Variants in CPSF4L observed in about 807,000 individuals in gnomAD.
The protein encoded by CPSF4L is putative cleavage and polyadenylation specificity factor subunit 4-like protein.
A neutral mutation model predicts 24.0 loss-of-function variants in CPSF4L; 18 were observed. That is an observed-to-expected ratio of 0.75 (90% CI 0.52 to 1.11). CPSF4L has a LOEUF of 1.11. Ranked by LOEUF, CPSF4L falls within the 50% of genes least tolerant of loss-of-function variation. The pLI, the probability that CPSF4L is intolerant of heterozygous loss-of-function variation, is 0.00. For missense variants in CPSF4L, 211 were observed against 221.8 expected, an observed-to-expected ratio of 0.95 and a Z score of 0.31; for synonymous variants, 72 against 77.2, an observed-to-expected ratio of 0.93 and a Z score of 0.35.
chr17:73,255,742 A>C (rs1186988837), intron 3 of CPSF4L, among the ~76,000 whole-genome samples: 2 of 152,184 alleles, frequency 1.3e-5, no homozygotes, highest in African/African-American at 4.8e-5. Context: ...AATGAATCAA[A>C]GTGACATCAC....
chr17:73,247,198 A>G (rs749751450), downstream of CPSF4L: 3 of 1,571,044 alleles, frequency 1.9e-6, no homozygotes, highest in Non-Finnish European at 1.8e-6. Flanking sequence ...CAGAAACCAT[A>G]TGCCCTGAAA....
chr17:73,259,563 T>C (rs1277156908), intron 2 of CPSF4L, among the ~76,000 whole-genome samples: 1 of 152,044 alleles, frequency 6.6e-6, no homozygotes, highest in Non-Finnish European at 1.5e-5. Context: ...AATAGCTTTC[T>C]TTCTTTGCAG....
chr17:73,250,266 CT>C, intron 5 of CPSF4L: 2 of 1,550,670 alleles, frequency 1.3e-6, no homozygotes, highest in Non-Finnish European at 1.7e-6. Flanking sequence ...TCAGTTGAGT[CT>C]TACTGTACTT....
chr17:73,255,048 CATGA>C (rs1171334715), intron 3 of CPSF4L, among the ~76,000 whole-genome samples: 3 of 152,204 alleles, frequency 2.0e-5, no homozygotes, highest in African/African-American at 7.2e-5. Flanking sequence ...GTTGAGAACT[CATGA>C]ATCTTTCCAA....
At chr17:73,258,568 C>T (rs539239691) in intron 2 of CPSF4L, among the ~76,000 whole-genome samples, 1 of 152,320 alleles carries the variant, frequency 6.6e-6, no homozygotes, top group African/African-American at 2.4e-5. Flanking sequence ...TCCCAAAGTG[C>T]TGGGATTACA....
In CPSF4L at chr17:73,261,809, C is replaced by A. The variant is rs1401773079; in HGVS notation, c.10G>T (p.Val4Phe). Residue 4 changes from valine (V) to phenylalanine (F), a missense_variant, in exon 1 of 6, where the codon GTC (valine) becomes TTC (phenylalanine). Physicochemically the swap from Val to Phe is conservative, Grantham distance 50. Coordinates refer to ENST00000344935, the MANE Select transcript of CPSF4L (RefSeq NM_001129885.1). ...GTGAACCGCTCTAGCCCCGCAATGA[C>A]CTCTTGCATCTTCCGTCTCCTGCTG... MQE[V>F]IAGLERFTFA... is the part of the protein sequence containing the mutation. 6.4e-7 allele frequency: 1 copy of A among 1,551,546 alleles called. No homozygotes were observed. Among genetic ancestry groups the A allele is most frequent in the South Asian group, 1.2e-5 (1 of 84,054 alleles).
downstream of CPSF4L, chr17:73,248,314 G>A: frequency 1.6e-6 from 1 of 614,956 alleles, no homozygotes; most frequent in South Asian, 2.0e-5. Context: ...TGTGAGGCGG[G>A]GTAACTACTC....
At chr17:73,246,868 C>A (rs577229280), downstream of CPSF4L, among the ~76,000 whole-genome samples, 2 of 152,156 alleles carry the variant, frequency 1.3e-5, no homozygotes, top group Non-Finnish European at 2.9e-5. Flanking sequence ...GCCGAAAGAG[C>A]TTTGTGCCCA....
chr17:73,262,071 T>A (rs7217300), upstream of CPSF4L: 1 of 505,216 alleles, frequency 2.0e-6, no homozygotes, highest in Non-Finnish European at 3.6e-6. Flanking sequence ...TACACAAGGC[T>A]CACTCGGATA....
chr17:73,259,764 C>T (rs560044742), intron 2 of CPSF4L, among the ~76,000 whole-genome samples: 1 of 152,320 alleles, frequency 6.6e-6, no homozygotes, highest in African/African-American at 2.4e-5. Flanking sequence ...GAACATGGCC[C>T]CAGGTCCTCC....
intron 2 of CPSF4L, among the ~76,000 whole-genome samples, chr17:73,259,714 T>G (rs1172267240): frequency 6.6e-6 from 1 of 152,214 alleles, no homozygotes; most frequent in Non-Finnish European, 1.5e-5. Context: ...TCTCCCTGTA[T>G]GGTCTAGGGC....
At chr17:73,242,872 C>T in the CPSF4L span, 1 of 1,593,322 alleles carries the variant, frequency 6.3e-7, no homozygotes. Flanking sequence ...GCTGTAACAA[C>T]AAGCCGTGTT....
At chr17:73,250,561 A>G (rs2062001067) in intron 5 of CPSF4L, among the ~76,000 whole-genome samples, 1 of 152,220 alleles carries the variant, frequency 6.6e-6, no homozygotes, top group Non-Finnish European at 1.5e-5. Context: ...TCTCTTGCAG[A>G]ATGGAGACTG....
intron 1 of CPSF4L, among the ~76,000 whole-genome samples, chr17:73,261,207 GC>G (rs1419556655): frequency 6.6e-6 from 1 of 152,192 alleles, no homozygotes; most frequent in Non-Finnish European, 1.5e-5. Context: ...CTCAAGCCTG[GC>G]CCAGGAGCTC....
At chr17:73,261,981 C>A (rs2062048715), upstream of CPSF4L, 1 of 614,080 alleles carries the variant, frequency 1.6e-6, no homozygotes. Context: ...CTGGGCTGTA[C>A]AGGAGCAGGG....
chr17:73,243,074 TGAA>T, the CPSF4L span: 5,347 of 1,051,410 alleles, frequency 5.1e-3, 218 homozygotes, highest in African/African-American at 0.094. Context: ...AGGGATTCTC[TGAA>T]TTTTTTTTTT....
chr17:73,257,650 G>C (rs1230226389), intron 3 of CPSF4L, 31 bp downstream of exon 3: 4 of 1,549,158 alleles, frequency 2.6e-6, no homozygotes, highest in Non-Finnish European at 1.7e-6. Context: ...CACCCTCCAG[G>C]GTGAGGCACC....
chr17:73,259,165 G>C (rs188711025), intron 2 of CPSF4L, among the ~76,000 whole-genome samples: 4 of 151,634 alleles, frequency 2.6e-5, no homozygotes, highest in Non-Finnish European at 2.9e-5. Flanking sequence ...TCAGCCTCCC[G>C]AGTAGCTGGG....
downstream of CPSF4L, among the ~76,000 whole-genome samples, chr17:73,246,398 CAG>C (rs1468105491): frequency 3.3e-5 from 5 of 152,106 alleles, no homozygotes; most frequent in Non-Finnish European, 7.3e-5. Context: ...TAGCTGAGCT[CAG>C]TGGCACACGC....
Sources: allele counts gnomAD v4.1 joint callset (sites outside exome capture counted in the v4.1 genomes callset), GRCh38; gene constraint gnomAD v4.1.1; transcripts MANE v1.5; gene names NCBI Gene and HGNC (gene_info 2026-07-23, HGNC 2026-07-21).